RNF220: variants seen among roughly 807,000 people sequenced by gnomAD.
The protein encoded by RNF220 is E3 ubiquitin-protein ligase RNF220.
A neutral mutation model predicts 67.1 loss-of-function variants in RNF220; 7 were observed. The ratio of observed to expected loss-of-function variants is 0.10; its 90% CI spans 0.06 to 0.20. The LOEUF (loss-of-function observed/expected upper bound fraction) is 0.20. RNF220 is among the 10% of genes least tolerant of loss of function. The pLI, the probability that RNF220 is intolerant of heterozygous loss-of-function variation, is 1.00. For synonymous variants in RNF220, 270 were observed against 283.2 expected, an observed-to-expected ratio of 0.95 and a Z score of 0.47; for missense variants, 565 against 740.3, an observed-to-expected ratio of 0.76 and a Z score of 2.75.
chr1:44,642,122 T>G (rs1270947326), intron 8 of RNF220, among the ~76,000 whole-genome samples: 1 of 152,194 alleles, frequency 6.6e-6, no homozygotes, highest in African/African-American at 2.4e-5. Context: ...TGAGTCAAAC[T>G]TGGGACCCTT....
intron 2 of RNF220, among the ~76,000 whole-genome samples, chr1:44,462,986 C>T (rs1653929599): frequency 6.7e-6 from 1 of 149,488 alleles, no homozygotes; most frequent in Non-Finnish European, 1.5e-5. Context: ...GAGATTGTGC[C>T]ACTACACTCC....
intron 2 of RNF220, among the ~76,000 whole-genome samples, chr1:44,432,162 AT>A (rs979081335): frequency 1.2e-4 from 18 of 150,326 alleles, no homozygotes; most frequent in African/African-American, 2.9e-4. Context: ...AGCACTTTGA[AT>A]TTTTTTTTTA....
chr1:44,510,433 T>C (rs1223921202), intron 2 of RNF220, among the ~76,000 whole-genome samples: 1 of 152,150 alleles, frequency 6.6e-6, no homozygotes, highest in Non-Finnish European at 1.5e-5. Flanking sequence ...TTAAGGACAC[T>C]GCTCTCTAGC....
At position 44,407,625 on chromosome 1, in the gene RNF220, G is replaced by C. The variant is rs115763826; in HGVS notation, c.-118+2095G>C. On this transcript the variant is annotated intron_variant, in intron 1 of 14. Coordinates refer to ENST00000361799, the MANE Select transcript of RNF220 (RefSeq NM_018150.4). Reference sequence around the variant, plus strand: ...GGCCGGGGCCGGGCGCGGAGCGAGCGGGGACACACACCTGTTCTGCGAGCC... The same window carrying C: ...GGCCGGGGCCGGGCGCGGAGCGAGCCGGGACACACACCTGTTCTGCGAGCC... Among the ~76,000 whole-genome samples the C allele has an allele frequency of 2.8e-3, 424 of 152,166 alleles. 3 individuals are homozygous for C. Among genetic ancestry groups the C allele is most frequent in the African/African-American group, 9.7e-3 (404 of 41,558 alleles).
At chr1:44,471,252 C>G (rs1229325668) in intron 2 of RNF220, among the ~76,000 whole-genome samples, 1 of 151,106 alleles carries the variant, frequency 6.6e-6, no homozygotes, top group Non-Finnish European at 1.5e-5. Context: ...ATGGCGAAAC[C>G]CCGTCTCTAC....
At chr1:44,594,321 C>T (rs956758305) in intron 2 of RNF220, among the ~76,000 whole-genome samples, 3 of 152,288 alleles carry the variant, frequency 2.0e-5, no homozygotes, top group African/African-American at 4.8e-5. Flanking sequence ...TCCCTCCATC[C>T]TACCCCCTTC....
At chr1:44,561,403 G>A (rs1378694582) in intron 2 of RNF220, among the ~76,000 whole-genome samples, 3 of 152,206 alleles carry the variant, frequency 2.0e-5, no homozygotes, top group African/African-American at 4.8e-5. Flanking sequence ...CCAGCTACTC[G>A]GGAGGCTGAG....
At chr1:44,580,945 G>A (rs186076422) in intron 2 of RNF220, among the ~76,000 whole-genome samples, 166 of 152,312 alleles carry the variant, frequency 1.1e-3, no homozygotes, top group Admixed American at 3.1e-3. Flanking sequence ...CCTTGATTTT[G>A]AATAGAGCTT....
chr1:44,512,877 C>A (rs562358250), intron 2 of RNF220, among the ~76,000 whole-genome samples: 5 of 152,114 alleles, frequency 3.3e-5, no homozygotes, highest in Non-Finnish European at 7.4e-5. Context: ...AGCTCGGTGG[C>A]TCCTGGAGCA....
intron 2 of RNF220, among the ~76,000 whole-genome samples, chr1:44,541,254 T>C (rs981873953): frequency 2.6e-5 from 4 of 152,016 alleles, no homozygotes; most frequent in African/African-American, 9.7e-5. Flanking sequence ...ATGGCAAAAC[T>C]TCATCTCTAC....
intron 2 of RNF220, among the ~76,000 whole-genome samples, chr1:44,511,004 C>G (rs1658941495): frequency 6.6e-6 from 1 of 152,200 alleles, no homozygotes; most frequent in Non-Finnish European, 1.5e-5. Context: ...GCAGAGAACA[C>G]TCTCGCAGTG....
At chr1:44,550,607 C>T (rs748767500) in intron 2 of RNF220, among the ~76,000 whole-genome samples, 7 of 152,170 alleles carry the variant, frequency 4.6e-5, no homozygotes, top group African/African-American at 1.2e-4. Context: ...TCCATCCTTA[C>T]GAGTAGGAAC....
At chr1:44,415,524 CGT>C (rs1648440996) in intron 2 of RNF220, among the ~76,000 whole-genome samples, 19 of 151,882 alleles carry the variant, frequency 1.3e-4, no homozygotes, top group Admixed American at 1.1e-3. Flanking sequence ...CACACACACA[CGT>C]GTATATATGT....
chr1:44,599,571 A>G (rs1666776218), intron 2 of RNF220, among the ~76,000 whole-genome samples: 1 of 152,164 alleles, frequency 6.6e-6, no homozygotes, highest in Non-Finnish European at 1.5e-5. Context: ...AGGTGAGAGT[A>G]TCACTGAGCC....
chr1:44,595,315 AC>A (rs1666400170), intron 2 of RNF220, among the ~76,000 whole-genome samples: 1 of 152,224 alleles, frequency 6.6e-6, no homozygotes, highest in Admixed American at 6.5e-5. Flanking sequence ...CCACAGCGAC[AC>A]CTACTGGCCA....
chr1:44,540,918 T>G (rs956466448), intron 2 of RNF220, among the ~76,000 whole-genome samples: 6 of 152,044 alleles, frequency 3.9e-5, no homozygotes, highest in African/African-American at 1.4e-4. Flanking sequence ...CCTCGTTTTT[T>G]GGGGCAGGGA....
chr1:44,470,696 A>G (rs1193185346), intron 2 of RNF220, among the ~76,000 whole-genome samples: 1 of 152,184 alleles, frequency 6.6e-6, no homozygotes, highest in Non-Finnish European at 1.5e-5. Context: ...CCACACTGTG[A>G]ACCTCATCAC....
chr1:44,441,847 T>G (rs1651591805), intron 2 of RNF220, among the ~76,000 whole-genome samples: 1 of 152,198 alleles, frequency 6.6e-6, no homozygotes, highest in Non-Finnish European at 1.5e-5. Context: ...GAGACCTGAC[T>G]TCTACCTTCA....
At chr1:44,631,613 G>C (rs1644123741) in intron 5 of RNF220, 1 of 152,480 alleles carries the variant, frequency 6.6e-6, no homozygotes, top group Admixed American at 6.5e-5. Flanking sequence ...GGTTGGGCGG[G>C]GATCGCCCAC....
Sources: allele counts gnomAD v4.1 joint callset (sites outside exome capture counted in the v4.1 genomes callset), GRCh38; gene constraint gnomAD v4.1.1; transcripts MANE v1.5; gene names NCBI Gene and HGNC (gene_info 2026-07-23, HGNC 2026-07-21).